SGSH: variants seen among roughly 807,000 people sequenced by gnomAD.
SGSH encodes the protein N-sulfoglucosamine sulfohydrolase.
SGSH carries 48 observed loss-of-function variants against 51.0 expected under a neutral mutation model. That is an observed-to-expected ratio of 0.94 (90% CI 0.75 to 1.20). The LOEUF (loss-of-function observed/expected upper bound fraction) is 1.20. Ranked by LOEUF, SGSH falls within the 50% of genes most tolerant of loss-of-function variation. The pLI, the probability that SGSH is intolerant of heterozygous loss-of-function variation, is 0.00. For synonymous variants in SGSH, 321 were observed against 313.4 expected (o/e 1.02, Z -0.26); for missense variants, 662 against 717.8 (o/e 0.92, Z 0.89).
chr17:80,215,044 C>T lies in SGSH; in HGVS notation c.344G>A (p.Gly115Asp), dbSNP rs770321343. The change falls in exon 3 of 8, where the codon GGT (glycine) becomes GAT (aspartate). Residue 115 changes from glycine (G) to aspartate (D), a missense_variant. By Grantham distance (94) the Gly-to-Asp change is moderately conservative. Coordinates refer to ENST00000326317, the MANE Select transcript of SGSH (RefSeq NM_000199.5). ...RSLPLLLSQAGVRTGIIGKKH... is the reference protein window; with the variant it reads ...RSLPLLLSQADVRTGIIGKKH... ...CACGGGGTCCTCACCTGTGCGCACA[C>T]CAGCTTGGCTGAGCAGCAGCGGCAG... is the stretch of plus-strand genomic sequence containing the variant. 1 of 1,610,962 alleles carries T rather than the reference C, an allele frequency of 6.2e-7. No individual in the cohort carries two copies. The highest frequency in any genetic ancestry group is 2.2e-5 in the East Asian group (1 of 44,884).
chr17:80,202,556 C>T, downstream of SGSH: 1 of 1,454,466 alleles, frequency 6.9e-7, no homozygotes, highest in Non-Finnish European at 9.0e-7. Flanking sequence ...GGGAAGCCTG[C>T]CAAGATCACT....
the SGSH span, chr17:80,201,671 T>G: frequency 6.4e-7 from 1 of 1,565,800 alleles, no homozygotes; most frequent in Non-Finnish European, 8.8e-7. The surrounding 1 kb of genome is among the most constrained non-coding windows in gnomAD (Gnocchi z 5.0). Flanking sequence ...CTCAGTGCCC[T>G]CAGCGCCTTC....
downstream of SGSH, chr17:80,205,560 T>A (rs1204745306): frequency 6.3e-7 from 1 of 1,583,412 alleles, no homozygotes. Flanking sequence ...GTATGAGGCC[T>A]GGAGCCAGAG....
downstream of SGSH, chr17:80,206,963 C>T (rs1203136702): frequency 1.2e-6 from 2 of 1,604,056 alleles, no homozygotes; most frequent in African/African-American, 1.3e-5. Flanking sequence ...CTCTCCCTCC[C>T]ACAAAGAACA....
At chr17:80,204,193 GCTC>G, downstream of SGSH, 2 of 1,553,370 alleles carry the variant, frequency 1.3e-6, no homozygotes, top group Non-Finnish European at 1.8e-6. Flanking sequence ...GGCTTCAACA[GCTC>G]CTCCTCATCC....
downstream of SGSH, chr17:80,207,699 T>C (rs1190441937): frequency 5.9e-6 from 1 of 168,286 alleles, no homozygotes; most frequent in African/African-American, 2.4e-5. Context: ...GAAAATGACA[T>C]TTTATAATTG....
At chr17:80,205,797 G>A (rs2041267916), downstream of SGSH, 1 of 808,136 alleles carries the variant, frequency 1.2e-6, no homozygotes, top group Non-Finnish European at 1.8e-6. Context: ...CAGCCCAGCA[G>A]GAGCCCAAAA....
At chr17:80,208,221 C>T (rs1420646646), downstream of SGSH, 1 of 1,564,988 alleles carries the variant, frequency 6.4e-7, no homozygotes, top group African/African-American at 1.3e-5. Context: ...GACCGGGCGC[C>T]CTGTCTATAC....
At chr17:80,211,845 C>T (rs1473768108) in intron 7 of SGSH, 3 of 590,860 alleles carry the variant, frequency 5.1e-6, no homozygotes, top group African/African-American at 1.9e-5. Context: ...AGGATCCAGG[C>T]GAGAATCCTA....
rs777834421 is a variant in SGSH, at chr17:80,210,428, G to A, written c.*24C>T. 13 of 1,572,900 alleles carry A rather than the reference G, an allele frequency of 8.3e-6. No homozygotes were observed. The highest frequency in any genetic ancestry group is 1.0e-5 in the Non-Finnish European group (12 of 1,164,268). ...GATGTGTCTGGGACATGCCTGGGAT[G>A]TGTGCACAGGCCTCCTGGGATGGTC... On this transcript the variant is annotated 3_prime_UTR_variant, in exon 8 of 8. Transcript: ENST00000326317.
At chr17:80,208,412 G>C, downstream of SGSH, 1 of 1,393,770 alleles carries the variant, frequency 7.2e-7, no homozygotes. Context: ...CTGTTCCTCA[G>C]CCCAGGCCCT....
At chr17:80,215,942 T>C (rs1398795969) in intron 2 of SGSH, among the ~76,000 whole-genome samples, 2 of 152,076 alleles carry the variant, frequency 1.3e-5, no homozygotes, top group East Asian at 3.9e-4. Context: ...ATCCATCCAC[T>C]GGAATATGAG....
At position 80,210,340 on chromosome 17, in the gene SGSH, A is replaced by G; in HGVS notation, c.*112T>C. 6.9e-7 allele frequency: 1 copy of G among 1,452,342 alleles called. No individual in the cohort carries two copies. The highest frequency in any genetic ancestry group is 1.4e-5 in the South Asian group (1 of 70,390). 90.0% of individuals were successfully genotyped at this position (1,452,342 alleles called of 1,614,324 possible). A position where few individuals can be genotyped will look rare whatever the true frequency, so the allele number is the denominator to read the frequency against. On this transcript the variant is annotated 3_prime_UTR_variant, in exon 8 of 8. Coordinates refer to ENST00000326317, the MANE Select transcript of SGSH (RefSeq NM_000199.5). ...GAAGGAAGAACCCTCCTTGGATGGG[A>G]GTGTGGACGGAAGGGCTGTTGCCAC...
At chr17:80,217,716 C>A (rs1246676237) in intron 1 of SGSH, among the ~76,000 whole-genome samples, 1 of 151,256 alleles carries the variant, frequency 6.6e-6, no homozygotes, top group Non-Finnish European at 1.5e-5. Flanking sequence ...GGCATGGTAC[C>A]CAGGCAGGCC....
chr17:80,207,124 G>A (rs376433424), downstream of SGSH: 24 of 1,447,888 alleles, frequency 1.7e-5, no homozygotes, highest in Middle Eastern at 1.7e-4. Flanking sequence ...GCTTCGAAGC[G>A]GCTCCTGGGC....
chr17:80,214,628 T>C lies in SGSH; in HGVS notation c.493A>G (p.Thr165Ala). 1 of 1,613,060 alleles carries C rather than the reference T, an allele frequency of 6.2e-7. No homozygotes were observed. Among genetic ancestry groups the C allele is most frequent in the Non-Finnish European group, 8.5e-7 (1 of 1,179,872 alleles). Residue 165 changes from threonine to alanine, a missense_variant, in exon 4 of 8, where the codon ACT becomes GCT. Thr to Ala is a moderately conservative substitution (Grantham distance 58). Coordinates refer to ENST00000326317, the MANE Select transcript of SGSH (RefSeq NM_000199.5). The part of the protein sequence containing the change: ...IKLLVRKFLQ[T>A]QDDRPFFLYV... ...CCCGACTCATACCGGTCATCCTGAG[T>C]CTGCAGGAATTTCCGGACGAGCAGC... is the stretch of plus-strand genomic sequence containing the variant.
intron 2 of SGSH, among the ~76,000 whole-genome samples, chr17:80,216,456 T>C (rs910054069): frequency 6.6e-6 from 1 of 152,090 alleles, no homozygotes; most frequent in Non-Finnish European, 1.5e-5. Context: ...AGCTTCTGTT[T>C]GGGTAGATGG....
downstream of SGSH, chr17:80,205,270 C>G: frequency 2.2e-6 from 3 of 1,370,644 alleles, no homozygotes; most frequent in East Asian, 4.7e-5. Context: ...TCCCCTTCCT[C>G]CCTCCTTCCT....
In SGSH at chr17:80,210,503, G is replaced by A. The variant is rs1458442935; in HGVS notation, c.1458C>T (p.Val486=). The A allele has an allele frequency of 6.2e-7, 1 of 1,606,592 alleles. No homozygotes were observed. Among genetic ancestry groups the A allele is most frequent in the East Asian group, 2.2e-5 (1 of 44,810 alleles). ...ACTGGGGAGAGAGCTTCTCCTCCAG[G>A]ACGCCGTCGGGGGCGCACACCCAGG... The part of the protein sequence containing the change: ...HDPWVCAPDG[V]LEEKLSPQCQ... Residue 486 remains valine, a synonymous_variant, in exon 8 of 8, where the codon GTC becomes GTT. Coordinates refer to ENST00000326317, the MANE Select transcript of SGSH (RefSeq NM_000199.5).
Sources: gnomAD v4.1 joint callset for allele counts (sites outside exome capture counted in the v4.1 genomes callset) on GRCh38, gnomAD v4.1.1 for gene constraint, Gnocchi (gnomAD v3.1) non-coding constraint, MANE v1.5 for transcripts, NCBI Gene and HGNC (gene_info 2026-07-23, HGNC 2026-07-21) for gene names.